The following DNAAF5 variants were observed in gnomAD, a reference collection of about 807,000 sequenced individuals.
DNAAF5 encodes dynein axonemal assembly factor 5, also known as HEAT repeat containing 2.
DNAAF5 carries 64 observed loss-of-function variants against 75.8 expected under a neutral mutation model. That is an observed-to-expected ratio of 0.84 (90% confidence interval 0.69 to 1.04). DNAAF5 has a LOEUF of 1.04. Among genes scored for constraint, DNAAF5 ranks in the 50% least tolerant of loss-of-function variants. DNAAF5 has a pLI of 0.00. For missense variants in DNAAF5, 1,269 were observed against 1,178.5 expected, an observed-to-expected ratio of 1.08 and a Z score of -1.12; for synonymous variants, 657 against 557.2, an observed-to-expected ratio of 1.18 and a Z score of -2.52.
At chr7:736,337 CTG>C (rs1253064582) in intron 2 of DNAAF5, among the ~76,000 whole-genome samples, 1 of 152,190 alleles carries the variant, frequency 6.6e-6, no homozygotes, top group East Asian at 1.9e-4. Context: ...GTGTTGGAGT[CTG>C]TCTCTCTCTT....
At position 785,881 on chromosome 7, in the gene DNAAF5, C is replaced by G. The variant is rs955058545; in HGVS notation, c.*228C>G. On this transcript the variant is annotated 3_prime_UTR_variant, in exon 13 of 13. Coordinates refer to ENST00000297440, the MANE Select transcript of DNAAF5 (RefSeq NM_017802.4). Reference sequence around the variant, plus strand: ...CGAGAGGGCTCCCAAACATCTGCAGCTGATTTGAAATTAAAAGTAAGTCGC... The same window carrying G: ...CGAGAGGGCTCCCAAACATCTGCAGGTGATTTGAAATTAAAAGTAAGTCGC... 1.9e-4 allele frequency: 95 copies of G among 510,476 alleles called. No homozygotes were observed. Among genetic ancestry groups the G allele is most frequent in the Middle Eastern group, 5.1e-4 (1 of 1,954 alleles). 31.6% of individuals were successfully genotyped at this position (510,476 alleles called of 1,614,324 possible).
intron 2 of DNAAF5, among the ~76,000 whole-genome samples, chr7:738,747 C>G (rs1216382496): frequency 2.0e-5 from 3 of 152,162 alleles, no homozygotes; most frequent in Non-Finnish European, 2.9e-5. Flanking sequence ...GGTGGCAGTC[C>G]GTGAGACTCA....
At chr7:737,021 C>A (rs768045055) in intron 2 of DNAAF5, among the ~76,000 whole-genome samples, 3 of 151,926 alleles carry the variant, frequency 2.0e-5, no homozygotes, top group Non-Finnish European at 4.4e-5. Flanking sequence ...AGCTTTTTAA[C>A]TTTTTGTTGT....
intron 11 of DNAAF5, among the ~76,000 whole-genome samples, chr7:779,715 A>C (rs982877067): frequency 6.6e-6 from 1 of 152,172 alleles, no homozygotes; most frequent in Admixed American, 6.5e-5. Context: ...ACAGGTTATT[A>C]CAGGGGCCGC....
At chr7:749,105 A>G (rs1782210430) in intron 4 of DNAAF5, among the ~76,000 whole-genome samples, 1 of 152,144 alleles carries the variant, frequency 6.6e-6, no homozygotes, top group Admixed American at 6.5e-5. Flanking sequence ...CTCCGCCTTA[A>G]AAACCAAGCT....
Position 729,683 on chromosome 7 carries a change from G to C in DNAAF5, c.616G>C (p.Glu206Gln). 6.2e-7 allele frequency: 1 copy of C among 1,614,030 alleles called. No individual in the cohort carries two copies. Among genetic ancestry groups the C allele is most frequent in the East Asian group, 2.2e-5 (1 of 44,890 alleles). Residue 206 changes from glutamate (E) to glutamine (Q), a missense_variant, in exon 2 of 13, where the codon GAG (glutamate) becomes CAG (glutamine). Transcript: ENST00000297440. ...CTCAGACCACTTCCACATGCAGTCG[G>C]AGTCTCTGATCGGGCCCCTGATGCA... ...ATPDHFHMQS[E>Q]SLIGPLMQTI...
At chr7:762,780 A>AT (rs1256484552) in intron 7 of DNAAF5, among the ~76,000 whole-genome samples, 1 of 151,852 alleles carries the variant, frequency 6.6e-6, no homozygotes, top group African/African-American at 2.4e-5. Flanking sequence ...TACCCGGCTA[A>AT]TTTTTATATT....
intron 7 of DNAAF5, 21 bp from the exon 8 acceptor site, chr7:763,785 T>G: frequency 6.2e-7 from 1 of 1,612,014 alleles, no homozygotes; most frequent in Non-Finnish European, 8.5e-7. Context: ...ATTGTCTCAG[T>G]CTCTGACTTG....
Position 763,958 on chromosome 7 carries a change from C to T in DNAAF5, c.1767C>T (p.Val589=). Residue 589 remains valine (V), a synonymous_variant, in exon 8 of 13, where the codon GTC becomes GTT. Transcript: ENST00000297440. ...AHSPELLQFS[V]IVAQSGPALG... ...CGCCGGAGCTCCTGCAGTTCAGTGT[C>T]ATCGTCGCACAGTCAGGTGAGCCGT... 1 of 1,604,650 alleles carries T rather than the reference C, an allele frequency of 6.2e-7. No homozygotes were observed. Among genetic ancestry groups the T allele is most frequent in the Non-Finnish European group, 8.5e-7 (1 of 1,179,974 alleles).
intron 4 of DNAAF5, among the ~76,000 whole-genome samples, chr7:742,050 A>G (rs1781927558): frequency 6.6e-6 from 1 of 152,202 alleles, no homozygotes; most frequent in Non-Finnish European, 1.5e-5. Context: ...AGAGCCCAGC[A>G]GGTCTGGCTG....
chr7:774,223 T>G lies in DNAAF5; in HGVS notation c.2082+25T>G, dbSNP rs756046531. On this transcript the variant is annotated intron_variant, in intron 10 of 12. Transcript: ENST00000297440. ...GGTACGGGGCTCCCTGCGTGCTCGGTGGACACCGGCCGGGGACTGCGCAGG... is the reference window on the plus strand; with the variant it reads ...GGTACGGGGCTCCCTGCGTGCTCGGGGGACACCGGCCGGGGACTGCGCAGG... 2.5e-6 allele frequency: 4 copies of G among 1,587,416 alleles called. No individual in the cohort carries two copies. The Admixed American group carries it at 6.8e-5, about 27-fold the overall frequency.
In DNAAF5 at chr7:785,737, C is replaced by G. The variant is rs753617215; in HGVS notation, c.*84C>G. Reference sequence around the variant, plus strand: ...TTTAAATCTCATAAACAAGGCACCTCTGTGCCAGCAGTGAGACTGTGACAG... The same window carrying G: ...TTTAAATCTCATAAACAAGGCACCTGTGTGCCAGCAGTGAGACTGTGACAG... On this transcript the variant is annotated 3_prime_UTR_variant, in exon 13 of 13. Transcript: ENST00000297440. 3 of 1,504,016 alleles carry G rather than the reference C, an allele frequency of 2.0e-6. No individual in the cohort carries two copies. The highest frequency in any genetic ancestry group is 2.7e-6 in the Non-Finnish European group (3 of 1,111,076). 93.2% of individuals were successfully genotyped at this position (1,504,016 alleles called of 1,614,324 possible). A position where few individuals can be genotyped will look rare whatever the true frequency, so the allele number is the denominator to read the frequency against.
At chr7:783,959 G>A (rs1214939100) in intron 12 of DNAAF5, among the ~76,000 whole-genome samples, 1 of 149,540 alleles carries the variant, frequency 6.7e-6, no homozygotes, top group Non-Finnish European at 1.5e-5. Flanking sequence ...CCCACTGCAC[G>A]GTACAGGCCA....
chr7:735,071 T>G (rs759810884), intron 2 of DNAAF5, among the ~76,000 whole-genome samples: 1 of 150,468 alleles, frequency 6.6e-6, no homozygotes, highest in Non-Finnish European at 1.5e-5. Context: ...TTGCTCATAT[T>G]GTAGTTGCTC....
At position 736,688 on chromosome 7, in the gene DNAAF5, G is replaced by T. The variant is rs115812759; in HGVS notation, c.781-4131G>T. 2.7e-3 allele frequency among the ~76,000 whole-genome samples: 416 copies of T among 152,262 alleles called. 2 individuals carry two copies. Among genetic ancestry groups the T allele is most frequent in the African/African-American group, 9.2e-3 (383 of 41,546 alleles). Reference sequence around the variant, plus strand: ...CTCTGTCTTTTGAATGGAGAGTTTAGTCTGGTTACGTTCAATGTTGTTATT... The same window carrying T: ...CTCTGTCTTTTGAATGGAGAGTTTATTCTGGTTACGTTCAATGTTGTTATT... On this transcript the variant is annotated intron_variant, in intron 2 of 12. Transcript: ENST00000297440.
intron 3 of DNAAF5, among the ~76,000 whole-genome samples, chr7:741,144 CAG>C (rs1409344007): frequency 2.0e-5 from 3 of 152,238 alleles, no homozygotes; most frequent in Non-Finnish European, 4.4e-5. Context: ...AGTATATCGA[CAG>C]AGATCAGACG....
Position 727,236 on chromosome 7 carries a change from C to A in DNAAF5, c.516C>A (p.Arg172=). 1.5e-6 allele frequency: 2 copies of A among 1,358,608 alleles called. No individual in the cohort carries two copies. The highest frequency in any genetic ancestry group is 9.5e-7 in the Non-Finnish European group (1 of 1,057,364). 84.2% of individuals were successfully genotyped at this position (1,358,608 alleles called of 1,614,324 possible). The change falls in exon 1 of 13, where the codon CGC becomes CGA. Residue 172 remains arginine, a synonymous_variant. Transcript: ENST00000297440. ...PHLDDALRAL[R]CSLLDPFAAV... is the part of the protein sequence containing the mutation. The stretch of plus-strand genomic sequence containing the variant: ...TGGACGACGCTCTGCGCGCGCTGCG[C>A]TGCTCCCTGCTCGACCCCTTCGCCG...
intron 2 of DNAAF5, among the ~76,000 whole-genome samples, chr7:740,138 T>A (rs1781859738): frequency 6.6e-6 from 1 of 152,174 alleles, no homozygotes. Flanking sequence ...CCTGGCTTCT[T>A]CCTGGCCGTT....
Position 740,895 on chromosome 7 carries a change from T to A in DNAAF5, c.857T>A (p.Leu286His). The A allele has an allele frequency of 1.2e-6, 2 of 1,613,984 alleles. No homozygotes were observed. The highest frequency in any genetic ancestry group is 1.7e-6 in the Non-Finnish European group (2 of 1,180,030). The change falls in exon 3 of 13, where the codon CTC (leucine) becomes CAC (histidine). Residue 286 changes from leucine to histidine, a missense_variant. By Grantham distance (99) the Leu-to-His change is moderately conservative (BLOSUM62 -3). Coordinates refer to ENST00000297440, the MANE Select transcript of DNAAF5 (RefSeq NM_017802.4). The stretch of plus-strand genomic sequence containing the variant: ...GACCGTTACTCCTTCTTCCACAAGC[T>A]CATCCCTCTGCTGCTCAGTAGCCTC... ...LRDRYSFFHK[L>H]IPLLLSSLND...
Sources: allele counts gnomAD v4.1 joint callset (sites outside exome capture counted in the v4.1 genomes callset), GRCh38; gene constraint gnomAD v4.1.1; transcripts MANE v1.5; gene names NCBI Gene and HGNC (gene_info 2026-07-23, HGNC 2026-07-21).